CNTNAP2: variants seen among roughly 807,000 people sequenced by gnomAD.
CNTNAP2 encodes contactin associated protein 2.
In CNTNAP2, 98 loss-of-function variants were observed where a neutral mutation model predicts 155.2. That is an observed-to-expected ratio of 0.63 (90% CI 0.54 to 0.75). CNTNAP2 has a LOEUF of 0.75. Ranked by LOEUF, CNTNAP2 falls within the 30% of genes least tolerant of loss-of-function variation. CNTNAP2 has a pLI of 0.00. For missense variants in CNTNAP2, 1,727 were observed against 1,688.1 expected (o/e 1.02, Z -0.40); for synonymous variants, 651 against 631.2 (o/e 1.03, Z -0.47).
chr7:146,212,430 A>G (rs1217365880), intron 1 of CNTNAP2, among the ~76,000 whole-genome samples: 2 of 152,160 alleles, frequency 1.3e-5, no homozygotes, highest in Admixed American at 6.6e-5. Context: ...ACAGGCACAG[A>G]ACATTCAGCC....
intron 11 of CNTNAP2, among the ~76,000 whole-genome samples, chr7:147,547,798 C>T (rs10261134): frequency 0.022 from 3,317 of 152,072 alleles, 121 homozygotes; most frequent in African/African-American, 0.077. Flanking sequence ...GTGTTGTTCC[C>T]CTCTCCGTGT....
At chr7:146,258,761 A>G (rs1172547874) in intron 1 of CNTNAP2, among the ~76,000 whole-genome samples, 1 of 152,234 alleles carries the variant, frequency 6.6e-6, no homozygotes, top group Non-Finnish European at 1.5e-5. Flanking sequence ...TCTTTTCGTC[A>G]CTGCTACTCT....
intron 11 of CNTNAP2, among the ~76,000 whole-genome samples, chr7:147,518,587 A>G (rs1045201905): frequency 2.6e-5 from 4 of 152,238 alleles, no homozygotes; most frequent in African/African-American, 9.6e-5. Context: ...GAGTTGGATC[A>G]TGTGTTCTCT....
intron 23 of CNTNAP2, among the ~76,000 whole-genome samples, chr7:148,413,403 T>TATAC (rs1799895161): frequency 1.1e-4 from 1 of 9,164 alleles, no homozygotes; most frequent in Non-Finnish European, 2.5e-4. Flanking sequence ...AAAAAAAAAA[T>TATAC]ATATATATAT....
At chr7:148,134,242 A>C (rs376250361) in intron 16 of CNTNAP2, among the ~76,000 whole-genome samples, 2 of 152,214 alleles carry the variant, frequency 1.3e-5, no homozygotes, top group East Asian at 3.9e-4. Flanking sequence ...CTTTTTATGA[A>C]GAGTGGTTGA....
intron 17 of CNTNAP2, among the ~76,000 whole-genome samples, chr7:148,153,191 G>C (rs558337880): frequency 3.7e-4 from 56 of 151,488 alleles, no homozygotes; most frequent in African/African-American, 1.4e-3. Context: ...CTTTGCAAAG[G>C]TGGTGTCATT....
intron 15 of CNTNAP2, among the ~76,000 whole-genome samples, chr7:148,116,418 C>T (rs1213215934): frequency 1.3e-5 from 2 of 152,170 alleles, no homozygotes; most frequent in African/African-American, 2.4e-5. Context: ...TAAAGACTTT[C>T]CACATTAACC....
chr7:146,990,894 C>T (rs1269556863), intron 3 of CNTNAP2, among the ~76,000 whole-genome samples: 1 of 151,970 alleles, frequency 6.6e-6, no homozygotes, highest in East Asian at 1.9e-4. Context: ...GCCAAGGAAA[C>T]TTTGGTTTAG....
rs992075466 is a variant in CNTNAP2 at position 147,435,051 on chromosome 7, C to T, written c.1670+39271C>T. Among the ~76,000 whole-genome samples, 5 of 152,186 alleles carry T rather than the reference C, an allele frequency of 3.3e-5. No individual in the cohort carries two copies. In the East Asian group the frequency reaches 5.8e-4, roughly 18 times the overall value. On this transcript the variant is annotated intron_variant, in intron 10 of 23. Transcript: ENST00000361727. ...CAACAGGACAGTGAAAAATGGCGAT[C>T]GTTATATTGATTCATACAACACAGA... is the stretch of plus-strand genomic sequence containing the variant.
chr7:147,566,907 G>A (rs1249207715), intron 12 of CNTNAP2, among the ~76,000 whole-genome samples: 1 of 152,150 alleles, frequency 6.6e-6, no homozygotes, highest in African/African-American at 2.4e-5. Flanking sequence ...GAGAGCATTT[G>A]GGGGGCAAAC....
chr7:147,399,289 C>T lies in CNTNAP2; in HGVS notation c.1670+3509C>T, dbSNP rs187258970. On this transcript the variant is annotated intron_variant, in intron 10 of 23. Coordinates refer to ENST00000361727, the MANE Select transcript of CNTNAP2 (RefSeq NM_014141.6). The stretch of plus-strand genomic sequence containing the variant: ...TAAATAGAGCAACATGATGTACTCA[C>T]GTCTTAAAAGGATGAATCTGGGCTG... 5.1e-4 allele frequency among the ~76,000 whole-genome samples: 77 copies of T among 152,180 alleles called. 1 individual carries two copies. The East Asian group carries it at 7.9e-3, about 16-fold the overall frequency.
In CNTNAP2 at chr7:146,185,404, G is replaced by A. The variant is rs568234719; in HGVS notation, c.97+68431G>A. Reference sequence around the variant, plus strand: ...GGCAAAGTTGAGTAACTTCGATAGAGACCATGTAACTCTCAAAGCCAAGAG... The same window carrying A: ...GGCAAAGTTGAGTAACTTCGATAGAAACCATGTAACTCTCAAAGCCAAGAG... On this transcript the variant is annotated intron_variant, in intron 1 of 23. Transcript: ENST00000361727. Among the ~76,000 whole-genome samples, 4 of 152,148 alleles carry A rather than the reference G, an allele frequency of 2.6e-5. No homozygotes were observed. In the South Asian group the frequency reaches 8.3e-4, roughly 32 times the overall value.
At chr7:147,176,188 CCTAA>C (rs1287376268) in intron 8 of CNTNAP2, among the ~76,000 whole-genome samples, 2 of 152,050 alleles carry the variant, frequency 1.3e-5, no homozygotes, top group Non-Finnish European at 2.9e-5. Context: ...GGCCAGAAAG[CCTAA>C]CTGAGATCAA....
chr7:148,078,045 T>G (rs1444840041), intron 15 of CNTNAP2, among the ~76,000 whole-genome samples: 1 of 152,060 alleles, frequency 6.6e-6, no homozygotes, highest in African/African-American at 2.4e-5. Flanking sequence ...AAAAGATTAA[T>G]GTACCCAAAA....
In CNTNAP2 at chr7:146,983,197, T is replaced by G. The variant is rs1798051754; in HGVS notation, c.403-60710T>G. 2.0e-5 allele frequency among the ~76,000 whole-genome samples: 3 copies of G among 152,292 alleles called. No individual in the cohort carries two copies. The South Asian group carries it at 6.2e-4, about 32-fold the overall frequency. ...GAACAAAAGCTCCTAAAAATGGCTT[T>G]TAAAATTGTGTTTTCTGCTGAAAGA... On this transcript the variant is annotated intron_variant, in intron 3 of 23. Coordinates refer to ENST00000361727, the MANE Select transcript of CNTNAP2 (RefSeq NM_014141.6).
chr7:146,910,591 T>G (rs1490249410), intron 3 of CNTNAP2, among the ~76,000 whole-genome samples: 1 of 151,198 alleles, frequency 6.6e-6, no homozygotes, highest in African/African-American at 2.5e-5. Context: ...CTGGGAAAAC[T>G]GGCTAGCCAT....
At chr7:147,576,241 C>T (rs1458860050) in intron 12 of CNTNAP2, among the ~76,000 whole-genome samples, 1 of 152,162 alleles carries the variant, frequency 6.6e-6, no homozygotes, top group Non-Finnish European at 1.5e-5. Flanking sequence ...GTGAATAGAC[C>T]TCACCACTGT....
rs530825925 is a variant in CNTNAP2 at position 146,955,469 on chromosome 7, T to A, written c.403-88438T>A. Among the ~76,000 whole-genome samples, 40 of 152,130 alleles carry A rather than the reference T, an allele frequency of 2.6e-4. No individual in the cohort carries two copies. In the South Asian group the frequency reaches 7.7e-3, roughly 29 times the overall value. ...AGACACTAGAAACAAAAATCTTTTC[T>A]AACCAGAAAACCACTTTTGTATAAA... is the stretch of plus-strand genomic sequence containing the variant. On this transcript the variant is annotated intron_variant, in intron 3 of 23. Transcript: ENST00000361727.
At chr7:146,138,885 AC>A (rs145687684) in intron 1 of CNTNAP2, among the ~76,000 whole-genome samples, 12,213 of 152,150 alleles carry the variant, frequency 0.08, 1,650 homozygotes, top group African/African-American at 0.28. Flanking sequence ...GTACTTTGGA[AC>A]ATAACCACAA....
Sources: gnomAD v4.1 joint callset for allele counts (sites outside exome capture counted in the v4.1 genomes callset) on GRCh38, gnomAD v4.1.1 for gene constraint, MANE v1.5 for transcripts, NCBI Gene and HGNC (gene_info 2026-07-23, HGNC 2026-07-21) for gene names.